Variants in CHD7 observed in about 807,000 individuals in gnomAD.
CHD7 encodes the protein ATP-dependent chromatin remodeler CHD7.
Under a neutral mutation model 307.3 loss-of-function variants are expected in CHD7, and 24 were observed. That is an observed-to-expected ratio of 0.08 (90% CI 0.06 to 0.11). CHD7 has a LOEUF of 0.11. Ranked by LOEUF, CHD7 falls within the 10% of genes least tolerant of loss-of-function variation. CHD7 has a pLI of 1.00. For synonymous variants in CHD7, 1,363 were observed against 1,349.9 expected (o/e 1.01, Z -0.21); for missense variants, 3,106 against 3,727.1 (o/e 0.83, Z 4.34).
intron 1 of CHD7, among the ~76,000 whole-genome samples, chr8:60,737,165 C>G (rs575178177): frequency 2.4e-4 from 37 of 152,208 alleles, no homozygotes; most frequent in African/African-American, 8.9e-4. Flanking sequence ...TTTCATTTGA[C>G]TATTTCCCAA....
At chr8:60,758,365 C>T (rs375925538) in intron 2 of CHD7, among the ~76,000 whole-genome samples, 2 of 152,148 alleles carry the variant, frequency 1.3e-5, no homozygotes, top group African/African-American at 4.8e-5. Flanking sequence ...CTCAACTGAT[C>T]CGCACCCCTT....
chr8:60,790,633 AT>A (rs1811732290), intron 3 of CHD7, among the ~76,000 whole-genome samples: 1 of 152,144 alleles, frequency 6.6e-6, no homozygotes. Context: ...TGTTATTGCT[AT>A]TACTTGTACT....
intron 4 of CHD7, among the ~76,000 whole-genome samples, chr8:60,799,331 G>C (rs1186419341): frequency 1.3e-5 from 2 of 152,194 alleles, no homozygotes; most frequent in Non-Finnish European, 2.9e-5. Context: ...TGTCCTGCAA[G>C]GACTGTGTGG....
chr8:60,819,887 T>G, intron 8 of CHD7, 120 bp from the exon 9 acceptor site: 1 of 670,366 alleles, frequency 1.5e-6, no homozygotes, highest in Non-Finnish European at 2.6e-6. Context: ...TAATAGAATT[T>G]GCCAAATGTA....
intron 1 of CHD7, among the ~76,000 whole-genome samples, chr8:60,699,950 C>T (rs141069579): frequency 0.047 from 7,145 of 152,000 alleles, 580 homozygotes; most frequent in African/African-American, 0.16. Context: ...CCTGCCTCAG[C>T]CTCCCGAGTA....
At chr8:60,851,226 A>G (rs1462042841) in intron 27 of CHD7, 36 bp from the exon 28 acceptor site, 2 of 1,540,680 alleles carry the variant, frequency 1.3e-6, no homozygotes, top group South Asian at 1.2e-5. Context: ...TGAGACCCCA[A>G]ATTAAAGTAA....
In CHD7 at chr8:60,861,291, A is replaced by T. The variant is rs986317679; in HGVS notation, c.7830+166A>T. 5.1e-6 allele frequency: 3 copies of T among 583,702 alleles called. No individual in the cohort carries two copies. In the Admixed American group the frequency reaches 9.3e-5, roughly 18 times the overall value. The allele number at this position is 583,702 out of a possible 1,614,324, so 36.2% of individuals were successfully genotyped here. ...TGTTGTTGAATCTTCTTCATTACAG[A>T]TACTAGCTTCAGGTCTGTCTTACTG... On this transcript the variant is annotated intron_variant, in intron 35 of 37. Transcript: ENST00000423902.
At chr8:60,776,026 C>G (rs910783270) in intron 2 of CHD7, among the ~76,000 whole-genome samples, 3 of 152,218 alleles carry the variant, frequency 2.0e-5, no homozygotes, top group African/African-American at 7.2e-5. Flanking sequence ...TCCCAAAGTG[C>G]TGGGATTACA....
chr8:60,836,781 G>C, intron 16 of CHD7, 36 bp from the exon 17 acceptor site: 3 of 1,504,234 alleles, frequency 2.0e-6, no homozygotes, highest in Non-Finnish European at 2.7e-6. Context: ...TTGTCGCTAT[G>C]CGTCAGGCCT....
intron 2 of CHD7, among the ~76,000 whole-genome samples, chr8:60,770,633 A>T (rs7002806): frequency 0.78 from 118,451 of 152,174 alleles, 46,373 homozygotes; most frequent in East Asian, 0.94. Context: ...CTGCTTAGAT[A>T]TTTTTGCTTG....
intron 9 of CHD7, 82 bp downstream of exon 9, chr8:60,820,172 C>A: frequency 1.2e-6 from 1 of 858,842 alleles, no homozygotes; most frequent in Non-Finnish European, 1.9e-6. Context: ...GAATCCTAGA[C>A]CTGGTCTTGG....
chr8:60,822,279 T>C lies in CHD7; in HGVS notation c.2957+134T>C, dbSNP rs552487821. 5.3e-6 allele frequency: 4 copies of C among 751,866 alleles called. No homozygotes were observed. In the East Asian group the frequency reaches 1.2e-4, roughly 22 times the overall value. 46.6% of individuals were successfully genotyped at this position (751,866 alleles called of 1,614,324 possible). On this transcript the variant is annotated intron_variant, in intron 11 of 37. Coordinates refer to ENST00000423902, the MANE Select transcript of CHD7 (RefSeq NM_017780.4). ...TTTCAAAAAACAAGCATTGAAAATA[T>C]ATGTAATATTTAATAAATATTAATA... is the stretch of plus-strand genomic sequence containing the variant.
At position 60,836,158 on chromosome 8, in the gene CHD7, T is replaced by G. The variant is rs184060131; in HGVS notation, c.3864T>G (p.Ala1288=). 6.2e-7 allele frequency: 1 copy of G among 1,613,822 alleles called. No individual in the cohort carries two copies. The highest frequency in any genetic ancestry group is 2.2e-5 in the East Asian group (1 of 44,876). The change falls in exon 16 of 38, where the codon GCT becomes GCG. Residue 1288 remains alanine (A), a synonymous_variant. Transcript: ENST00000423902. ...TTCAGCTCCAGGCAATGATCCAGGC[T>G]GCTGGCAAGCTAGTGCTGATTGACA... The part of the protein sequence containing the change: ...PDFQLQAMIQ[A]AGKLVLIDKL...
At chr8:60,686,940 T>C (rs187928824) in intron 1 of CHD7, among the ~76,000 whole-genome samples, 172 of 152,356 alleles carry the variant, frequency 1.1e-3, no homozygotes, top group Non-Finnish European at 1.8e-3. Flanking sequence ...TTATTTGTTA[T>C]CCATTTTTGT....
chr8:60,683,908 G>GT (rs1805751796), intron 1 of CHD7, among the ~76,000 whole-genome samples: 1 of 99,464 alleles, frequency 1.0e-5, no homozygotes, highest in Non-Finnish European at 2.7e-5. Flanking sequence ...TGTTTTTGGA[G>GT]GTTTTTTTTT....
At chr8:60,696,896 CAAAG>C (rs1183516995) in intron 1 of CHD7, among the ~76,000 whole-genome samples, 1 of 147,522 alleles carries the variant, frequency 6.8e-6, no homozygotes. Context: ...TTTTTAATCT[CAAAG>C]AAATTTTGTT....
intron 1 of CHD7, among the ~76,000 whole-genome samples, chr8:60,689,670 G>A (rs1362578094): frequency 6.6e-6 from 1 of 152,162 alleles, no homozygotes; most frequent in East Asian, 1.9e-4. Flanking sequence ...GAGAAAAATC[G>A]AGAGGCTGAA....
At chr8:60,835,408 A>C (rs1390571242) in intron 15 of CHD7, among the ~76,000 whole-genome samples, 1 of 152,208 alleles carries the variant, frequency 6.6e-6, no homozygotes, top group Non-Finnish European at 1.5e-5. Flanking sequence ...ATTTTAAAAG[A>C]TTTGGATAGT....
In CHD7 at chr8:60,836,769, T is replaced by C. The variant is rs1325297853; in HGVS notation, c.3990-48T>C. On this transcript the variant is annotated intron_variant, in intron 16 of 37. Transcript: ENST00000423902. ...TAAAAATTAAAAAAAGGAGCAAGTATGTTGTCGCTATGCGTCAGGCCTCCT... is the reference window on the plus strand; with the variant it reads ...TAAAAATTAAAAAAAGGAGCAAGTACGTTGTCGCTATGCGTCAGGCCTCCT... 4 of 1,351,016 alleles carry C rather than the reference T, an allele frequency of 3.0e-6. No homozygotes were observed. In the Admixed American group the frequency reaches 6.0e-5, roughly 20 times the overall value. The allele number at this position is 1,351,016 out of a possible 1,614,324, so 83.7% of individuals were successfully genotyped here. A position where few individuals can be genotyped will look rare whatever the true frequency, so the allele number is the denominator to read the frequency against.
Sources: allele counts gnomAD v4.1 joint callset (sites outside exome capture counted in the v4.1 genomes callset), GRCh38; gene constraint gnomAD v4.1.1; transcripts MANE v1.5; gene names NCBI Gene and HGNC (gene_info 2026-07-23, HGNC 2026-07-21).